Variants in NALF1 observed in about 807,000 individuals in gnomAD.
NALF1 encodes the protein NALCN channel auxiliary factor 1, also known as family with sequence similarity 155 member A.
In NALF1, 3 loss-of-function variants were observed where a neutral mutation model predicts 48.4. The ratio of observed to expected loss-of-function variants is 0.06; its 90% CI spans 0.03 to 0.16. NALF1 has a LOEUF of 0.16. NALF1 is among the 10% of genes least tolerant of loss of function. The pLI, the probability that NALF1 is intolerant of heterozygous loss-of-function variation, is 1.00. For missense variants in NALF1, 526 were observed against 571.5 expected (o/e 0.92, Z 0.81); for synonymous variants, 262 against 245.7 (o/e 1.07, Z -0.62).
chr13:107,186,407 C>G, intron 2 of NALF1, among the ~76,000 whole-genome samples: 1 of 152,120 alleles, frequency 6.6e-6, no homozygotes, highest in East Asian at 1.9e-4. Context: ...CTCGCTCTGT[C>G]GCCAGGCTGG....
chr13:107,409,674 G>T (rs1394562124), intron 1 of NALF1, among the ~76,000 whole-genome samples: 1 of 152,162 alleles, frequency 6.6e-6, no homozygotes, highest in African/African-American at 2.4e-5. Context: ...CAATCACAAT[G>T]ACCAATCAAA....
rs114207209 is a variant in NALF1, at chr13:107,363,285, G to C, written c.916-152530C>G. On this transcript the variant is annotated intron_variant, in intron 1 of 2. Coordinates refer to ENST00000375915, the MANE Select transcript of NALF1 (RefSeq NM_001080396.3). ...TGAGGTTGGTAAACTTGGATTATCT[G>C]ATTTGTTCATAATAAAACATGGTTT... Among the ~76,000 whole-genome samples, 368 of 152,264 alleles carry C rather than the reference G, an allele frequency of 2.4e-3. 3 individuals are homozygous for C. Among genetic ancestry groups the C allele is most frequent in the African/African-American group, 8.5e-3 (353 of 41,556 alleles).
intron 1 of NALF1, among the ~76,000 whole-genome samples, chr13:107,394,468 C>G (rs1883678184): frequency 6.6e-6 from 1 of 152,216 alleles, no homozygotes; most frequent in African/African-American, 2.4e-5. Context: ...AAAGAAGGAG[C>G]TATTATTAGG....
chr13:107,286,320 A>C (rs1216861694), intron 1 of NALF1, among the ~76,000 whole-genome samples: 2 of 152,142 alleles, frequency 1.3e-5, no homozygotes, highest in African/African-American at 4.8e-5. Flanking sequence ...TGTTCACACA[A>C]GCATTATTCA....
chr13:107,607,341 A>G (rs1243559916), intron 1 of NALF1, among the ~76,000 whole-genome samples: 1 of 152,240 alleles, frequency 6.6e-6, no homozygotes, highest in Non-Finnish European at 1.5e-5. Flanking sequence ...CCAACATTTA[A>G]TTCACAAGCC....
intron 1 of NALF1, among the ~76,000 whole-genome samples, chr13:107,515,833 A>G (rs1327599119): frequency 1.3e-5 from 2 of 152,188 alleles, no homozygotes; most frequent in African/African-American, 2.4e-5. Context: ...TTCGGGAAGA[A>G]AGAATAATTT....
chr13:107,777,800 A>C (rs1192095423), intron 1 of NALF1, among the ~76,000 whole-genome samples: 2 of 152,330 alleles, frequency 1.3e-5, no homozygotes, highest in East Asian at 3.9e-4. Context: ...ATTTTATGTA[A>C]ATTATAGGAA....
rs181678408 is a variant in NALF1 at position 107,601,242 on chromosome 13, C to A, written c.915+264440G>T. Among the ~76,000 whole-genome samples the A allele has an allele frequency of 1.1e-3, 161 of 152,222 alleles. 1 individual carries two copies. The highest frequency in any genetic ancestry group is 3.7e-3 in the African/African-American group (152 of 41,536). On this transcript the variant is annotated intron_variant, in intron 1 of 2. Transcript: ENST00000375915. Reference sequence around the variant, plus strand: ...ACTTCAGGCTGGAGGTGATGGGGAACTGAGCTGAGACTGTGCTGACCAGGA... The same window carrying A: ...ACTTCAGGCTGGAGGTGATGGGGAAATGAGCTGAGACTGTGCTGACCAGGA...
At chr13:107,174,796 T>C (rs1878883206) in intron 2 of NALF1, among the ~76,000 whole-genome samples, 1 of 151,878 alleles carries the variant, frequency 6.6e-6, no homozygotes, top group South Asian at 2.1e-4. Context: ...AGCTTCAGGG[T>C]GGAGTTGTGC....
intron 1 of NALF1, among the ~76,000 whole-genome samples, chr13:107,218,676 G>T (rs1879928806): frequency 6.6e-6 from 1 of 152,146 alleles, no homozygotes; most frequent in Non-Finnish European, 1.5e-5. Context: ...TCCACTTCAT[G>T]AAGTGAACCT....
At chr13:107,401,063 G>A (rs967203522) in intron 1 of NALF1, among the ~76,000 whole-genome samples, 1 of 152,138 alleles carries the variant, frequency 6.6e-6, no homozygotes, top group African/African-American at 2.4e-5. Context: ...GTGACCTACT[G>A]TCAACCATGC....
chr13:107,638,482 C>T (rs774673686), intron 1 of NALF1, among the ~76,000 whole-genome samples: 2 of 151,858 alleles, frequency 1.3e-5, no homozygotes, highest in Admixed American at 1.3e-4. Flanking sequence ...AGGATAGCAG[C>T]GAATGAGGCA....
rs1023624261 is a variant in NALF1 at position 107,776,491 on chromosome 13, G to A, written c.915+89191C>T. ...CACAGATTTATACCAGCATGACAAC[G>A]CGGTGAACACTATCACTAAACAAGA... On this transcript the variant is annotated intron_variant, in intron 1 of 2. Coordinates refer to ENST00000375915, the MANE Select transcript of NALF1 (RefSeq NM_001080396.3). Among the ~76,000 whole-genome samples the A allele has an allele frequency of 4.6e-5, 7 of 152,238 alleles. No individual in the cohort carries two copies. In the South Asian group the frequency reaches 8.3e-4, roughly 18 times the overall value.
chr13:107,410,619 T>C (rs892272598), intron 1 of NALF1, among the ~76,000 whole-genome samples: 14 of 152,122 alleles, frequency 9.2e-5, no homozygotes, highest in Non-Finnish European at 1.9e-4. Flanking sequence ...TTGAAAATTT[T>C]CCCAGAAAAA....
In NALF1 at chr13:107,503,844, A is replaced by G. The variant is rs918274894; in HGVS notation, c.916-293089T>C. Among the ~76,000 whole-genome samples the G allele has an allele frequency of 4.0e-5, 6 of 151,724 alleles. 1 individual carries two copies. The highest frequency in any genetic ancestry group is 2.0e-4 in the Admixed American group (3 of 15,208). On this transcript the variant is annotated intron_variant, in intron 1 of 2. Transcript: ENST00000375915. ...AGACCCTGCCATTTGCCACAACAGT[A>G]GTAGACCTAGAGGACATTTTGCTAA...
intron 1 of NALF1, among the ~76,000 whole-genome samples, chr13:107,363,472 G>A (rs1056908182): frequency 6.6e-5 from 10 of 152,140 alleles, no homozygotes; most frequent in Admixed American, 1.3e-4. Flanking sequence ...GGTGGCACAC[G>A]CCTATAGTCC....
At chr13:107,594,813 C>T (rs536262831) in intron 1 of NALF1, among the ~76,000 whole-genome samples, 1 of 151,908 alleles carries the variant, frequency 6.6e-6, no homozygotes. Context: ...TGCTGTCACA[C>T]TGACAACTCT....
intron 2 of NALF1, among the ~76,000 whole-genome samples, chr13:107,200,862 T>A (rs1360305357): frequency 6.6e-6 from 1 of 152,166 alleles, no homozygotes; most frequent in African/African-American, 2.4e-5. Flanking sequence ...ACTGCTGTAG[T>A]CCCGGTGACT....
chr13:107,323,014 A>T (rs544865483), intron 1 of NALF1, among the ~76,000 whole-genome samples: 1 of 152,232 alleles, frequency 6.6e-6, no homozygotes, highest in South Asian at 2.1e-4. Flanking sequence ...TCTCTTTTGA[A>T]CTAATATAAA....
Sources: gnomAD v4.1 joint callset for allele counts (sites outside exome capture counted in the v4.1 genomes callset) on GRCh38, gnomAD v4.1.1 for gene constraint, MANE v1.5 for transcripts, NCBI Gene and HGNC (gene_info 2026-07-23, HGNC 2026-07-21) for gene names.